ADD1: variants seen among roughly 807,000 people sequenced by gnomAD.
The protein encoded by ADD1 is adducin 1.
In ADD1, 24 loss-of-function variants were observed where a neutral mutation model predicts 80.5. The ratio of observed to expected loss-of-function variants is 0.30; its 90% CI spans 0.22 to 0.42. The LOEUF is 0.42. Among genes scored for constraint, ADD1 ranks in the 10% least tolerant of loss-of-function variants. The pLI is 1.00. For missense variants in ADD1, 948 were observed against 1,019.0 expected, an observed-to-expected ratio of 0.93 and a Z score of 0.95; for synonymous variants, 373 against 393.8, an observed-to-expected ratio of 0.95 and a Z score of 0.63.
In ADD1 at chr4:2,875,956, C is replaced by T; in HGVS notation, c.41C>T (p.Pro14Leu). 5 of 1,613,124 alleles carry T rather than the reference C, an allele frequency of 3.1e-6. No homozygotes were observed. The highest frequency in any genetic ancestry group is 3.4e-6 in the Non-Finnish European group (4 of 1,179,540). The part of the protein sequence containing the change: ...DSRAAVVTSP[P>L]PTTAPHKERY... ...CGTGCTGCGGTGGTGACCTCACCAC[C>T]CCCGACCACAGCCCCTCACAAGGAG... is the stretch of plus-strand genomic sequence containing the variant. The change falls in exon 2 of 16, where the codon CCC becomes CTC. Residue 14 changes from proline to leucine, a missense_variant. By Grantham distance (98) the Pro-to-Leu change is moderately conservative (BLOSUM62 -3). Coordinates refer to ENST00000683351, the MANE Select transcript of ADD1 (RefSeq NM_001354761.2).
intron 1 of ADD1, among the ~76,000 whole-genome samples, chr4:2,856,565 C>G (rs2108807581): frequency 6.8e-6 from 1 of 146,778 alleles, no homozygotes; most frequent in Admixed American, 6.8e-5. Flanking sequence ...GCATGTTACT[C>G]AAGTAAATGG....
In ADD1 at chr4:2,928,634, C is replaced by T. The variant is rs924372965; in HGVS notation, c.*111C>T. Reference sequence around the variant, plus strand: ...TGGAATGCAAAAAAGCCAAGCCCTCCGCCTAGAGGTCCCCTCACGTGACCA... The same window carrying T: ...TGGAATGCAAAAAAGCCAAGCCCTCTGCCTAGAGGTCCCCTCACGTGACCA... On this transcript the variant is annotated 3_prime_UTR_variant, in exon 16 of 16. Coordinates refer to ENST00000683351, the MANE Select transcript of ADD1 (RefSeq NM_001354761.2). The T allele has an allele frequency of 4.1e-6, 5 of 1,217,730 alleles. No homozygotes were observed. The highest frequency in any genetic ancestry group is 2.8e-5 in the South Asian group (2 of 72,624). The allele number at this position is 1,217,730 out of a possible 1,614,324, so 75.4% of individuals were successfully genotyped here.
chr4:2,876,008 C>G lies in ADD1; in HGVS notation c.93C>G (p.Asn31Lys). 1 of 1,614,122 alleles carries G rather than the reference C, an allele frequency of 6.2e-7. No homozygotes were observed. Residue 31 changes from asparagine (N) to lysine (K), a missense_variant, in exon 2 of 16, where the codon AAC (asparagine) becomes AAG (lysine). By Grantham distance (94) the Asn-to-Lys change is moderately conservative (BLOSUM62 0). Coordinates refer to ENST00000683351, the MANE Select transcript of ADD1 (RefSeq NM_001354761.2). ...KERYFDRVDE[N>K]NPEYLRERNM... Reference sequence around the variant, plus strand: ...GGTACTTCGACCGAGTAGATGAGAACAACCCAGAGTACTTGAGGGAGAGGA... The same window carrying G: ...GGTACTTCGACCGAGTAGATGAGAAGAACCCAGAGTACTTGAGGGAGAGGA...
chr4:2,871,139 T>G (rs1256042752), intron 1 of ADD1, among the ~76,000 whole-genome samples: 1 of 151,890 alleles, frequency 6.6e-6, no homozygotes, highest in Non-Finnish European at 1.5e-5. Flanking sequence ...CGGCTAATTT[T>G]TTTTTGTATT....
At chr4:2,903,515 T>C (rs1736535921) in intron 9 of ADD1, among the ~76,000 whole-genome samples, 1 of 152,218 alleles carries the variant, frequency 6.6e-6, no homozygotes, top group Non-Finnish European at 1.5e-5. Context: ...AGGATCCACA[T>C]CCAGGCTCTT....
chr4:2,889,619 C>T (rs188534305), intron 4 of ADD1, among the ~76,000 whole-genome samples: 4 of 151,486 alleles, frequency 2.6e-5, no homozygotes, highest in East Asian at 2.0e-4. Context: ...GTCAGGAGTT[C>T]GAGACCAGCC....
intron 1 of ADD1, among the ~76,000 whole-genome samples, chr4:2,855,205 C>T (rs1727884334): frequency 6.6e-6 from 1 of 152,164 alleles, no homozygotes; most frequent in South Asian, 2.1e-4. Context: ...AGGTTCCAGG[C>T]ATTATTCAGA....
intron 1 of ADD1, among the ~76,000 whole-genome samples, chr4:2,873,003 T>C (rs1730695115): frequency 6.6e-6 from 1 of 152,140 alleles, no homozygotes; most frequent in Non-Finnish European, 1.5e-5. Flanking sequence ...AATATTATTA[T>C]TATTTTTTAA....
rs758859450 is a variant in ADD1 at position 2,875,898 on chromosome 4, A to G, written c.-18A>G. The stretch of plus-strand genomic sequence containing the variant: ...TTTCTTTTATTTTGATTCTGTAGGA[A>G]CCTAGAAAGATTGTACAATGAATGG... On this transcript the variant is annotated splice_region_variant and 5_prime_UTR_variant, in exon 2 of 16. Coordinates refer to ENST00000683351, the MANE Select transcript of ADD1 (RefSeq NM_001354761.2). The G allele has an allele frequency of 6.4e-7, 1 of 1,569,874 alleles. No homozygotes were observed. The highest frequency in any genetic ancestry group is 8.6e-7 in the Non-Finnish European group (1 of 1,160,428).
chr4:2,849,568 G>C (rs1726756260), intron 1 of ADD1, among the ~76,000 whole-genome samples: 1 of 152,184 alleles, frequency 6.6e-6, no homozygotes, highest in African/African-American at 2.4e-5. Flanking sequence ...GTGGCTGTTT[G>C]CATGGGGAGG....
intron 9 of ADD1, among the ~76,000 whole-genome samples, chr4:2,904,500 T>A (rs1736711539): frequency 6.6e-6 from 1 of 152,254 alleles, no homozygotes; most frequent in African/African-American, 2.4e-5. Flanking sequence ...ATGAAGACAC[T>A]AGACTATCCA....
At chr4:2,850,990 T>C (rs1457771832) in intron 1 of ADD1, among the ~76,000 whole-genome samples, 1 of 152,174 alleles carries the variant, frequency 6.6e-6, no homozygotes, top group Non-Finnish European at 1.5e-5. Flanking sequence ...TTTTTGGGTG[T>C]TGAAAATGTT....
At chr4:2,899,096 C>T in intron 8 of ADD1, 163 bp from the exon 9 acceptor site, 1 of 742,050 alleles carries the variant, frequency 1.3e-6, no homozygotes. Context: ...AGAAATACTT[C>T]TGAAAGTAAC....
rs150105286 is a variant in ADD1 at position 2,914,955 on chromosome 4, G to A, written c.1863G>A (p.Thr621=). ...EYQPHVIVST[T]GPNPFTTLTD... is the part of the protein sequence containing the mutation. ...AGCCCCACGTCATTGTGAGCACCAC[G>A]GGCCCCAACCCCTTCACCACACTCA... The change falls in exon 14 of 16, where the codon ACG becomes ACA. Residue 621 remains threonine (T), a synonymous_variant. Coordinates refer to ENST00000683351, the MANE Select transcript of ADD1 (RefSeq NM_001354761.2). 5.9e-5 allele frequency: 95 copies of A among 1,614,096 alleles called. 1 individual carries two copies. Among genetic ancestry groups the A allele is most frequent in the South Asian group, 5.8e-4 (53 of 91,070 alleles).
chr4:2,879,955 TC>T (rs1249053548), intron 2 of ADD1, among the ~76,000 whole-genome samples: 2 of 152,190 alleles, frequency 1.3e-5, no homozygotes, highest in African/African-American at 4.8e-5. Flanking sequence ...CCTCAAGTGA[TC>T]CGCCTCCCTT....
intron 9 of ADD1, 193 bp downstream of exon 9, chr4:2,899,628 G>T: frequency 1.5e-6 from 1 of 655,026 alleles, no homozygotes; most frequent in East Asian, 2.8e-5. Flanking sequence ...AAGGATTCCT[G>T]GTATTGTTTT....
At chr4:2,870,048 G>A (rs1444677508) in intron 1 of ADD1, among the ~76,000 whole-genome samples, 4 of 152,164 alleles carry the variant, frequency 2.6e-5, no homozygotes, top group South Asian at 2.1e-4. Context: ...AGTTTCAGCC[G>A]TAAGTTTTCA....
intron 1 of ADD1, among the ~76,000 whole-genome samples, chr4:2,848,311 A>G (rs1348047933): frequency 6.6e-6 from 1 of 152,190 alleles, no homozygotes; most frequent in African/African-American, 2.4e-5. Flanking sequence ...TACATTGAGG[A>G]ACCTTGAGTT....
In ADD1 at chr4:2,914,043, T is replaced by C. The variant is rs1577697953; in HGVS notation, c.1792-841T>C. On this transcript the variant is annotated intron_variant, in intron 13 of 15. Coordinates refer to ENST00000683351, the MANE Select transcript of ADD1 (RefSeq NM_001354761.2). ...CACTACACTCCAGCCTGGGTGACAG[T>C]GCGAGACTCCGTCTCAAAAAAAAAA... 5.0e-5 allele frequency among the ~76,000 whole-genome samples: 7 copies of C among 140,570 alleles called. No individual in the cohort carries two copies. The Admixed American group carries it at 5.2e-4, about 11-fold the overall frequency. 92.2% of individuals were successfully genotyped at this position (140,570 alleles called of 152,430 possible). A position where few individuals can be genotyped will look rare whatever the true frequency, so the allele number is the denominator to read the frequency against.
Sources: gnomAD v4.1 joint callset for allele counts (sites outside exome capture counted in the v4.1 genomes callset) on GRCh38, gnomAD v4.1.1 for gene constraint, MANE v1.5 for transcripts, NCBI Gene and HGNC (gene_info 2026-07-23, HGNC 2026-07-21) for gene names.